Variants in BTBD1 observed in about 807,000 individuals in gnomAD.
BTBD1 encodes BTB/POZ domain-containing protein 1.
BTBD1 carries 34 observed loss-of-function variants against 48.0 expected under a neutral mutation model. The ratio of observed to expected loss-of-function variants is 0.71; its 90% confidence interval spans 0.54 to 0.94. The LOEUF (loss-of-function observed/expected upper bound fraction) is 0.94, where lower values mean the gene tolerates loss of function less well. Ranked by LOEUF, BTBD1 falls within the 40% of genes least tolerant of loss-of-function variation. The probability of loss-of-function intolerance (pLI) is 0.00; values close to 1 mark genes in which losing one functional copy is unlikely to be tolerated. For synonymous variants in BTBD1, 261 were observed against 242.1 expected (o/e 1.08, Z -0.72); for missense variants, 543 against 625.6 (o/e 0.87, Z 1.41).
intron 1 of BTBD1, among the ~76,000 whole-genome samples, chr15:83,065,261 C>T (rs981762154): frequency 3.9e-5 from 6 of 152,192 alleles, no homozygotes; most frequent in East Asian, 3.8e-4. Context: ...GTTTTTACCA[C>T]CATCTTTGTC....
At chr15:83,035,334 ACC>A (rs1377090064) in intron 4 of BTBD1, among the ~76,000 whole-genome samples, 1 of 151,990 alleles carries the variant, frequency 6.6e-6, no homozygotes, top group African/African-American at 2.4e-5. Flanking sequence ...AAATAAAACT[ACC>A]ATATGCTGGG....
intron 5 of BTBD1, among the ~76,000 whole-genome samples, chr15:83,023,699 A>G (rs975235608): frequency 1.3e-5 from 2 of 152,174 alleles, no homozygotes; most frequent in Non-Finnish European, 2.9e-5. Context: ...CAAAAGGCAC[A>G]GTCTTAAGGC....
intron 3 of BTBD1, among the ~76,000 whole-genome samples, chr15:83,043,147 A>G (rs1239392853): frequency 6.6e-6 from 1 of 152,212 alleles, no homozygotes; most frequent in Non-Finnish European, 1.5e-5. Flanking sequence ...GTGCCAAAAA[A>G]TAATAAAATA....
intron 3 of BTBD1, among the ~76,000 whole-genome samples, chr15:83,048,745 T>C (rs912266554): frequency 3.3e-5 from 5 of 152,354 alleles, no homozygotes; most frequent in South Asian, 4.1e-4. Flanking sequence ...CTATGGCATA[T>C]TTCTGGTCAC....
chr15:83,067,099 G>C lies in BTBD1; in HGVS notation c.53C>G (p.Ala18Gly). 6.7e-7 allele frequency: 1 copy of C among 1,498,874 alleles called. No homozygotes were observed. The highest frequency in any genetic ancestry group is 8.8e-7 in the Non-Finnish European group (1 of 1,131,678). The allele number at this position is 1,498,874 out of a possible 1,614,324, so 92.8% of individuals were successfully genotyped here. Residue 18 changes from alanine to glycine, a missense_variant, in exon 1 of 8, where the codon GCG becomes GGG. Ala to Gly is a moderately conservative substitution (Grantham distance 60). Coordinates refer to ENST00000261721, the MANE Select transcript of BTBD1 (RefSeq NM_025238.4). ...CGGCGGCCCCGCGGGGCCCGGCTCC[G>C]CCTCAGCCCCCGACGCCTGCTCCCC... ...AAGEQASGAE[A>G]EPGPAGPPPP... is the part of the protein sequence containing the mutation.
At chr15:83,036,526 A>C (rs1251925865) in intron 4 of BTBD1, among the ~76,000 whole-genome samples, 1 of 152,162 alleles carries the variant, frequency 6.6e-6, no homozygotes, top group Non-Finnish European at 1.5e-5. Context: ...GGATGGCAGG[A>C]TCTACTAAAG....
chr15:83,054,812 G>A (rs1011499082), intron 2 of BTBD1, among the ~76,000 whole-genome samples: 3 of 151,852 alleles, frequency 2.0e-5, no homozygotes, highest in Admixed American at 1.3e-4. Context: ...TGCCCGCCTC[G>A]GCCTCCCAAA....
At chr15:83,061,291 T>C (rs187503330) in intron 1 of BTBD1, among the ~76,000 whole-genome samples, 29 of 152,354 alleles carry the variant, frequency 1.9e-4, no homozygotes, top group African/African-American at 6.7e-4. Flanking sequence ...TATAATCTTA[T>C]GGGTCCACCA....
At chr15:83,045,502 A>C (rs1052441204) in intron 3 of BTBD1, among the ~76,000 whole-genome samples, 6 of 150,380 alleles carry the variant, frequency 4.0e-5, no homozygotes, top group Admixed American at 6.6e-5. Flanking sequence ...CTGCCTCAAA[A>C]AAACAAACAA....
intron 4 of BTBD1, among the ~76,000 whole-genome samples, chr15:83,039,635 T>C (rs1453222478): frequency 1.3e-5 from 2 of 151,484 alleles, no homozygotes; most frequent in African/African-American, 2.4e-5. Flanking sequence ...TTAGCTAAGC[T>C]TGGTGGCGGG....
At chr15:83,026,710 C>T (rs901274195) in intron 5 of BTBD1, among the ~76,000 whole-genome samples, 3 of 151,814 alleles carry the variant, frequency 2.0e-5, no homozygotes, top group Admixed American at 6.6e-5. Context: ...TTAGTAGAGA[C>T]GGGGTTTCTC....
Position 83,056,506 on chromosome 15 carries a change from T to C in BTBD1, c.441A>G (p.Thr147=), listed in dbSNP as rs753498741. ...YSDEVQIGPE[T]VMTTLYTAKK... ...TGGCAGTATAAAGAGTGGTCATAAC[T>C]GTTTCTGGACCAATTTGAACTTCAT... The change falls in exon 2 of 8, where the codon ACA becomes ACG. Residue 147 remains threonine, a synonymous_variant. Coordinates refer to ENST00000261721, the MANE Select transcript of BTBD1 (RefSeq NM_025238.4). 10 of 1,613,698 alleles carry C rather than the reference T, an allele frequency of 6.2e-6. No individual in the cohort carries two copies. The highest frequency in any genetic ancestry group is 8.5e-6 in the Non-Finnish European group (10 of 1,179,732).
intron 4 of BTBD1, among the ~76,000 whole-genome samples, chr15:83,038,953 T>A (rs970025092): frequency 5.9e-5 from 9 of 152,126 alleles, no homozygotes; most frequent in African/African-American, 2.2e-4. Context: ...AGGAAATACT[T>A]TTCTGGACAC....
chr15:83,056,497 G>C lies in BTBD1; in HGVS notation c.450C>G (p.Thr150=). ...EVQIGPETVM[T]TLYTAKKYAV... ...CGTATTTCTTGGCAGTATAAAGAGT[G>C]GTCATAACTGTTTCTGGACCAATTT... Residue 150 remains threonine, a synonymous_variant, in exon 2 of 8, where the codon ACC becomes ACG. Coordinates refer to ENST00000261721, the MANE Select transcript of BTBD1 (RefSeq NM_025238.4). 3 of 1,613,264 alleles carry C rather than the reference G, an allele frequency of 1.9e-6. No individual in the cohort carries two copies. The highest frequency in any genetic ancestry group is 2.5e-6 in the Non-Finnish European group (3 of 1,179,318).
At chr15:83,048,216 GT>G (rs2032914595) in intron 3 of BTBD1, among the ~76,000 whole-genome samples, 1 of 152,168 alleles carries the variant, frequency 6.6e-6, no homozygotes, top group Non-Finnish European at 1.5e-5. Context: ...AAGCAATCAG[GT>G]TCATGGTGGT....
At chr15:83,059,547 A>AAAC (rs376428755) in intron 1 of BTBD1, among the ~76,000 whole-genome samples, 124 of 152,180 alleles carry the variant, frequency 8.1e-4, no homozygotes, top group East Asian at 2.1e-3. Flanking sequence ...TCCGTCTCAA[A>AAAC]AACAACAACA....
chr15:83,021,764 A>AATAATAATAATAATG (rs1555438325), intron 5 of BTBD1, among the ~76,000 whole-genome samples: 6 of 151,016 alleles, frequency 4.0e-5, no homozygotes, highest in African/African-American at 1.2e-4. Context: ...TAATAATAAT[A>AATAATAATAATAATG]ATAATACATA....
chr15:83,019,128 C>T (rs1596418877), intron 6 of BTBD1, among the ~76,000 whole-genome samples: 1 of 151,740 alleles, frequency 6.6e-6, no homozygotes, highest in African/African-American at 2.4e-5. Flanking sequence ...GTTGGGGTCT[C>T]GGCTCACTGA....
At chr15:83,040,076 C>T (rs897459995) in intron 4 of BTBD1, among the ~76,000 whole-genome samples, 18 of 152,066 alleles carry the variant, frequency 1.2e-4, no homozygotes, top group African/African-American at 4.3e-4. Context: ...TCATGCCTTT[C>T]GCAGCAACAT....
Sources: gnomAD v4.1 joint callset for allele counts (sites outside exome capture counted in the v4.1 genomes callset) on GRCh38, gnomAD v4.1.1 for gene constraint, MANE v1.5 for transcripts, NCBI Gene and HGNC (gene_info 2026-07-23, HGNC 2026-07-21) for gene names.